The following TNPO3 variants were observed in gnomAD, a reference collection of about 807,000 sequenced individuals.
TNPO3 encodes the protein transportin 3.
A neutral mutation model predicts 122.8 loss-of-function variants in TNPO3; 65 were observed. The observed-to-expected ratio is 0.53, with a 90% CI of 0.43 to 0.65. The LOEUF (loss-of-function observed/expected upper bound fraction) is 0.65, where lower values mean the gene tolerates loss of function less well. TNPO3 is among the 30% of genes least tolerant of loss of function. The pLI, the probability that TNPO3 is intolerant of heterozygous loss-of-function variation, is 0.00. For missense variants in TNPO3, 850 were observed against 1,136.7 expected (o/e 0.75, Z 3.63); for synonymous variants, 372 against 411.2 (o/e 0.90, Z 1.15).
intron 21 of TNPO3, among the ~76,000 whole-genome samples, chr7:128,960,759 T>C (rs1454957442): frequency 2.6e-5 from 4 of 151,300 alleles, no homozygotes; most frequent in Non-Finnish European, 4.4e-5. Flanking sequence ...TTTATTATTA[T>C]TATTATTATT....
chr7:129,016,913 C>A, intron 3 of TNPO3, 70 bp downstream of exon 3: 1 of 1,344,480 alleles, frequency 7.4e-7, no homozygotes, highest in South Asian at 1.2e-5. Context: ...CTAGCTATTG[C>A]TAACAAATTT....
intron 1 of TNPO3, among the ~76,000 whole-genome samples, chr7:129,023,374 TATAG>T (rs1174800615): frequency 6.6e-6 from 1 of 151,590 alleles, no homozygotes; most frequent in Non-Finnish European, 1.5e-5. Flanking sequence ...ATATATATTA[TATAG>T]ATATATAAAA....
chr7:128,989,829 G>A, intron 11 of TNPO3, 132 bp downstream of exon 11: 1 of 962,002 alleles, frequency 1.0e-6, no homozygotes, highest in Non-Finnish European at 1.5e-6. Flanking sequence ...ACAACATATT[G>A]TTTACTCTCA....
At chr7:128,998,373 A>T (rs959609840) in intron 7 of TNPO3, among the ~76,000 whole-genome samples, 9 of 151,880 alleles carry the variant, frequency 5.9e-5, no homozygotes, top group South Asian at 2.1e-4. Flanking sequence ...AGATATATAT[A>T]TTTTCTTTAG....
At chr7:129,028,801 G>A (rs1805567183) in intron 1 of TNPO3, 2 of 251,462 alleles carry the variant, frequency 8.0e-6, no homozygotes, top group Admixed American at 1.1e-4. Context: ...AATTCCTGGA[G>A]AACTGTCTTT....
At chr7:128,964,294 C>T (rs1797730156) in intron 21 of TNPO3, among the ~76,000 whole-genome samples, 1 of 150,694 alleles carries the variant, frequency 6.6e-6, no homozygotes, top group African/African-American at 2.4e-5. Flanking sequence ...CCCTAAAATT[C>T]ATATGGAATT....
At position 128,975,429 on chromosome 7, in the gene TNPO3, A is replaced by G. The variant is rs575418381; in HGVS notation, c.2178+390T>C. The stretch of plus-strand genomic sequence containing the variant: ...AGCAGTATCTGAGGAGCTGTTTCCA[A>G]TGCTATTATTAATTCTAAAACCCTC... On this transcript the variant is annotated intron_variant, in intron 17 of 22. Coordinates refer to ENST00000265388, the MANE Select transcript of TNPO3 (RefSeq NM_012470.4). 2.9e-4 allele frequency among the ~76,000 whole-genome samples: 44 copies of G among 152,324 alleles called. 1 individual carries two copies. The South Asian group carries it at 8.1e-3, about 28-fold the overall frequency.
chr7:129,021,055 T>C (rs759706842), intron 1 of TNPO3, among the ~76,000 whole-genome samples: 22 of 151,834 alleles, frequency 1.4e-4, no homozygotes, highest in Non-Finnish European at 2.5e-4. Flanking sequence ...AGGATGGCAG[T>C]TGAAAATGGA....
Position 128,986,783 on chromosome 7 carries a change from G to A in TNPO3, c.1636C>T (p.Arg546Cys), listed in dbSNP as rs148210365. ...GACAACAGGAAGGAATCGAGGGAGC[G>A]GGCAATCTCCAGGAGTCCATTAAAG... ...QHFNGLLEIARSLDSFLLSPE... is the reference protein window; with the variant it reads ...QHFNGLLEIACSLDSFLLSPE... Residue 546 changes from arginine to cysteine, a missense_variant, in exon 12 of 23, where the codon CGC (arginine) becomes TGC (cysteine). By Grantham distance (180) the Arg-to-Cys change is radical (BLOSUM62 -3). Transcript: ENST00000265388. The A allele has an allele frequency of 1.2e-4, 198 of 1,613,982 alleles. No individual in the cohort carries two copies. Among genetic ancestry groups the A allele is most frequent in the Non-Finnish European group, 1.6e-4 (186 of 1,179,944 alleles).
chr7:128,984,319 G>T (rs1015860827), intron 12 of TNPO3, 60 bp from the exon 13 acceptor site: 15 of 1,198,604 alleles, frequency 1.3e-5, no homozygotes, highest in Non-Finnish European at 1.7e-5. Flanking sequence ...AACTTAACTG[G>T]ACTACATCAT....
Position 128,997,397 on chromosome 7 carries a change from G to A in TNPO3, c.1150C>T (p.Pro384Ser). 8 of 1,614,086 alleles carry A rather than the reference G, an allele frequency of 5.0e-6. No homozygotes were observed. The highest frequency in any genetic ancestry group is 6.8e-6 in the Non-Finnish European group (8 of 1,179,978). Reference sequence around the variant, plus strand: ...TAGAGAAGGGAACTTACATGGTCTGGTTCCAGCTGGCAGTGTCGAGCCAAG... The same window carrying A: ...TAGAGAAGGGAACTTACATGGTCTGATTCCAGCTGGCAGTGTCGAGCCAAG... Reference protein sequence around the residue: ...HALARHCQLEPDHEGVPEETD... With the variant: ...HALARHCQLESDHEGVPEETD... Residue 384 changes from proline to serine, a missense_variant, in exon 8 of 23, where the codon CCA becomes TCA. Physicochemically the swap from Pro to Ser is moderately conservative, Grantham distance 74 (BLOSUM62 -1). Transcript: ENST00000265388.
At position 128,986,801 on chromosome 7, in the gene TNPO3, C is replaced by T; in HGVS notation, c.1618G>A (p.Gly540Arg). ...CRDHMAQHFNGLLEIARSLDS... is the reference protein window; with the variant it reads ...CRDHMAQHFNRLLEIARSLDS... The stretch of plus-strand genomic sequence containing the variant: ...AGGGAGCGGGCAATCTCCAGGAGTC[C>T]ATTAAAGTGCTGAGCCATGTGATCT... The change falls in exon 12 of 23, where the codon GGA becomes AGA. Residue 540 changes from glycine (G) to arginine (R), a missense_variant. Transcript: ENST00000265388. The T allele has an allele frequency of 6.2e-7, 1 of 1,614,102 alleles. No homozygotes were observed. The highest frequency in any genetic ancestry group is 8.5e-7 in the Non-Finnish European group (1 of 1,179,994).
intron 20 of TNPO3, among the ~76,000 whole-genome samples, chr7:128,969,919 G>A (rs1798290648): frequency 6.6e-6 from 1 of 152,128 alleles, no homozygotes; most frequent in Non-Finnish European, 1.5e-5. Context: ...CTTACTTCTG[G>A]TAATATACCC....
intron 11 of TNPO3, among the ~76,000 whole-genome samples, chr7:128,987,428 T>C (rs1349765522): frequency 6.6e-6 from 1 of 152,242 alleles, no homozygotes; most frequent in Non-Finnish European, 1.5e-5. Flanking sequence ...CACTTCTAGA[T>C]GAATTAATTC....
chr7:128,997,342 A>G, intron 8 of TNPO3, 47 bp downstream of exon 8: 2 of 1,604,376 alleles, frequency 1.2e-6, no homozygotes, highest in Non-Finnish European at 1.7e-6. Flanking sequence ...GTTGGCACTG[A>G]CAAGAGGAAG....
intron 11 of TNPO3, 122 bp downstream of exon 11, chr7:128,989,839 A>T (rs1163095445): frequency 1.9e-6 from 2 of 1,069,340 alleles, no homozygotes; most frequent in Non-Finnish European, 2.7e-6. Flanking sequence ...GTTTACTCTC[A>T]GTTTCTATAA....
At chr7:128,988,516 T>C (rs1029836087) in intron 11 of TNPO3, among the ~76,000 whole-genome samples, 2 of 152,194 alleles carry the variant, frequency 1.3e-5, no homozygotes, top group Non-Finnish European at 2.9e-5. Flanking sequence ...TTGACTATTC[T>C]GAGTATGAAC....
At chr7:129,043,204 C>A (rs1051143156) in intron 1 of TNPO3, among the ~76,000 whole-genome samples, 6 of 151,368 alleles carry the variant, frequency 4.0e-5, no homozygotes, top group Admixed American at 2.6e-4. Flanking sequence ...AATTCTACAC[C>A]AACCTGGGCA....
chr7:129,030,236 G>T, intron 1 of TNPO3: 1 of 216,880 alleles, frequency 4.6e-6, no homozygotes, highest in Non-Finnish European at 9.7e-6. Flanking sequence ...ACATGTGATG[G>T]CCTTGATCAG....
Sources: allele counts gnomAD v4.1 joint callset (sites outside exome capture counted in the v4.1 genomes callset), GRCh38; gene constraint gnomAD v4.1.1; transcripts MANE v1.5; gene names NCBI Gene and HGNC (gene_info 2026-07-23, HGNC 2026-07-21).